MAPK8IP3: variants seen among roughly 807,000 people sequenced by gnomAD.
MAPK8IP3 encodes the protein mitogen-activated protein kinase 8 interacting protein 3.
In MAPK8IP3, 49 loss-of-function variants were observed where a neutral mutation model predicts 157.8. The observed-to-expected ratio is 0.31, with a 90% confidence interval of 0.25 to 0.39. The LOEUF is 0.39. Ranked by LOEUF, MAPK8IP3 falls within the 10% of genes least tolerant of loss-of-function variation. The pLI is 1.00. For missense variants in MAPK8IP3, 1,478 were observed against 1,889.4 expected (o/e 0.78, Z 4.04); for synonymous variants, 897 against 777.7 (o/e 1.15, Z -2.55).
rs1485299291 is a variant in MAPK8IP3, at chr16:1,724,621, A to G, written c.383A>G (p.His128Arg). 2 of 1,613,592 alleles carry G rather than the reference A, an allele frequency of 1.2e-6. No individual in the cohort carries two copies. The highest frequency in any genetic ancestry group is 2.2e-5 in the East Asian group (1 of 44,898). The change falls in exon 2 of 32, where the codon CAC (histidine) becomes CGC (arginine). Residue 128 changes from histidine (H) to arginine (R), a missense_variant. Physicochemically the swap from His to Arg is conservative, Grantham distance 29. Around this residue, in one of 11 missense-constraint regions of MAPK8IP3, gnomAD observed 65 missense variants for 161.8 expected, o/e 0.40. Coordinates refer to ENST00000610761, the MANE Select transcript of MAPK8IP3 (RefSeq NM_001318852.2). This position sits in a 1 kb window ranked among gnomAD's most constrained non-coding sequence, Gnocchi z 4.1. ...AAAGAGCTGCAAATCCAGGTGGAGC[A>G]CTACGAGTTCCAGACGCGCCAGCTG... The part of the protein sequence containing the change: ...EKKELQIQVE[H>R]YEFQTRQLEL...
At chr16:1,753,453 A>ATTTT (rs34580455) in intron 8 of MAPK8IP3, among the ~76,000 whole-genome samples, 2 of 150,248 alleles carry the variant, frequency 1.3e-5, no homozygotes, top group African/African-American at 4.9e-5. Flanking sequence ...TTATTTATTT[A>ATTTT]TTTTTGAGAC....
chr16:1,758,219 G>C, intron 9 of MAPK8IP3, 60 bp downstream of exon 9: 2 of 1,599,342 alleles, frequency 1.3e-6, no homozygotes, highest in African/African-American at 1.3e-5. Context: ...TGGGTGGACG[G>C]GGGATGCCCC....
intron 1 of MAPK8IP3, among the ~76,000 whole-genome samples, chr16:1,712,709 C>G (rs765971854): frequency 6.6e-6 from 1 of 152,192 alleles, no homozygotes; most frequent in South Asian, 2.1e-4. Context: ...GGTCTTCTGG[C>G]TGCCCCCCAT....
intron 4 of MAPK8IP3, among the ~76,000 whole-genome samples, chr16:1,737,887 C>T (rs1354263557): frequency 1.4e-5 from 1 of 72,302 alleles, no homozygotes; most frequent in African/African-American, 5.5e-5. Flanking sequence ...TCCGTGTGAG[C>T]ATCCGTGTGA....
chr16:1,765,133 T>C lies in MAPK8IP3; in HGVS notation c.2401T>C (p.Phe801Leu). The change falls in exon 20 of 32, where the codon TTC becomes CTC. Residue 801 changes from phenylalanine (F) to leucine (L), a missense_variant. By Grantham distance (22) the Phe-to-Leu change is conservative. Transcript: ENST00000610761. The stretch of plus-strand genomic sequence containing the variant: ...CCAGCCGGGCACGGTGGTGGACCAG[T>C]TCACCGTCTGCAACGCGCACGTGCT... ...ANQPGTVVDQ[F>L]TVCNAHVLCI... The C allele has an allele frequency of 6.2e-7, 1 of 1,611,498 alleles. No individual in the cohort carries two copies. Among genetic ancestry groups the C allele is most frequent in the Non-Finnish European group, 8.5e-7 (1 of 1,178,942 alleles).
At chr16:1,765,924 C>T in intron 20 of MAPK8IP3, 36 bp from the exon 21 acceptor site, 1 of 1,572,624 alleles carries the variant, frequency 6.4e-7, no homozygotes, top group Non-Finnish European at 8.7e-7. Flanking sequence ...GTAGTGGGTT[C>T]CCCCGCACAG....
In MAPK8IP3 at chr16:1,766,341, C is replaced by CG; in HGVS notation, c.2754dup (p.Pro919AlafsTer9). ...AGCCAGAGACAGCCACATTGCGGCC[C>CG]GGGCCTCTCACAGAGCACGTCTTCA... is the stretch of plus-strand genomic sequence containing the variant. On this transcript the variant is annotated frameshift_variant, in exon 22 of 32. Transcript: ENST00000610761. LOFTEE classifies it high-confidence loss of function. The CG allele has an allele frequency of 6.2e-7, 1 of 1,612,670 alleles. No individual in the cohort carries two copies. The highest frequency in any genetic ancestry group is 8.5e-7 in the Non-Finnish European group (1 of 1,179,974).
intron 28 of MAPK8IP3, 22 bp downstream of exon 28, chr16:1,767,940 A>AG (rs1400829329): frequency 4.4e-6 from 7 of 1,605,712 alleles, no homozygotes; most frequent in Non-Finnish European, 6.0e-6. Flanking sequence ...GCACACCTGC[A>AG]GGGGCAGTGG....
chr16:1,768,305 C>T lies in MAPK8IP3; in HGVS notation c.3669C>T (p.Tyr1223=), dbSNP rs750841307. 4.3e-6 allele frequency: 7 copies of T among 1,609,998 alleles called. No homozygotes were observed. Among genetic ancestry groups the T allele is most frequent in the African/African-American group, 1.3e-5 (1 of 74,950 alleles). Residue 1223 remains tyrosine (Y), a synonymous_variant, in exon 30 of 32, where the codon TAC becomes TAT. Transcript: ENST00000610761. ...SDRAASSFIP[Y]CSMAQAQLCF... is the part of the protein sequence containing the mutation. ...GGGCGGCCAGCAGCTTCATCCCCTA[C>T]TGCTCCATGGCCCAGGCCCAGCTAT...
intron 14 of MAPK8IP3, 84 bp downstream of exon 14, chr16:1,762,565 C>G: frequency 6.3e-7 from 1 of 1,579,522 alleles, no homozygotes; most frequent in Non-Finnish European, 8.6e-7. Context: ...ACCTCCCTGT[C>G]TTCTGGGGGG....
At chr16:1,739,969 AGC>A (rs2040542067) in intron 4 of MAPK8IP3, among the ~76,000 whole-genome samples, 1 of 68,254 alleles carries the variant, frequency 1.5e-5, no homozygotes, top group Non-Finnish European at 2.7e-5. Flanking sequence ...CGTCCGTGTG[AGC>A]GTGTGACCGT....
chr16:1,729,355 C>A, intron 3 of MAPK8IP3, 132 bp from the exon 4 acceptor site: 2 of 1,245,544 alleles, frequency 1.6e-6, no homozygotes, highest in Non-Finnish European at 2.3e-6. Flanking sequence ...CAGCCCCAGG[C>A]TGGTTAGATT....
Position 1,757,790 on chromosome 16 carries a change from G to C in MAPK8IP3, c.1217-358G>C, listed in dbSNP as rs111680590. Reference sequence around the variant, plus strand: ...GGGGGCTTTTGGAGACTGGGTACCTGCCACACCCTGCCACACACACTCTCC... The same window carrying C: ...GGGGGCTTTTGGAGACTGGGTACCTCCCACACCCTGCCACACACACTCTCC... On this transcript the variant is annotated intron_variant, in intron 8 of 31. Transcript: ENST00000610761. Among the ~76,000 whole-genome samples the C allele has an allele frequency of 2.0e-3, 308 of 152,276 alleles. 2 individuals are homozygous for C. The highest frequency in any genetic ancestry group is 6.9e-3 in the African/African-American group (285 of 41,570).
At chr16:1,746,826 G>C in intron 5 of MAPK8IP3, 2 of 617,168 alleles carry the variant, frequency 3.2e-6, no homozygotes, top group Non-Finnish European at 5.5e-6. Flanking sequence ...GCCGGAGTCA[G>C]TGGCCGGATA....
chr16:1,762,577 C>T lies in MAPK8IP3; in HGVS notation c.1670+96C>T, dbSNP rs767740769. ...TGCACCTCCCTGTCTTCTGGGGGGA[C>T]TGAAGTGCGCTGGGTGCTTCCTGGC... On this transcript the variant is annotated intron_variant, in intron 14 of 31. Transcript: ENST00000610761. 9.6e-5 allele frequency: 151 copies of T among 1,566,556 alleles called. No homozygotes were observed. The Middle Eastern group carries it at 1.2e-3, about 12-fold the overall frequency.
rs558556383 is a variant in MAPK8IP3 at position 1,724,691 on chromosome 16, G to A, written c.439+14G>A. ...ATGCCGATCAGAGTAAGTGGCTGGCGGGAGCCTGGAGGCGCGCTTGATGGG... is the reference window on the plus strand; with the variant it reads ...ATGCCGATCAGAGTAAGTGGCTGGCAGGAGCCTGGAGGCGCGCTTGATGGG... On this transcript the variant is annotated intron_variant, in intron 2 of 31. Coordinates refer to ENST00000610761, the MANE Select transcript of MAPK8IP3 (RefSeq NM_001318852.2). This position sits in a 1 kb window ranked among gnomAD's most constrained non-coding sequence, Gnocchi z 4.1. The A allele has an allele frequency of 1.1e-5, 18 of 1,607,472 alleles. No homozygotes were observed. Among genetic ancestry groups the A allele is most frequent in the African/African-American group, 5.3e-5 (4 of 74,968 alleles).
chr16:1,757,710 C>T (rs946745170), intron 8 of MAPK8IP3, among the ~76,000 whole-genome samples: 1 of 152,220 alleles, frequency 6.6e-6, no homozygotes, highest in African/African-American at 2.4e-5. Flanking sequence ...AGGAGTCCAG[C>T]TCCAGGCCTG....
chr16:1,731,468 C>T (rs930589763), intron 4 of MAPK8IP3, among the ~76,000 whole-genome samples: 2 of 152,244 alleles, frequency 1.3e-5, no homozygotes, highest in African/African-American at 2.4e-5. Flanking sequence ...CTCTTCACCT[C>T]CTACCCAGAT....
chr16:1,762,691 C>G lies in MAPK8IP3; in HGVS notation c.1687C>G (p.Pro563Ala). The G allele has an allele frequency of 6.4e-7, 1 of 1,562,412 alleles. No homozygotes were observed. Among genetic ancestry groups the G allele is most frequent in the Non-Finnish European group, 8.7e-7 (1 of 1,152,086 alleles). ...TEMIRASREH[P>A]SVQEKKKSTI... ...CCCCTGCAGAGCGTCCCGAGAGCAC[C>G]CATCCGTCCAGGAGAAGAAGAAGTC... is the stretch of plus-strand genomic sequence containing the variant. Residue 563 changes from proline to alanine, a missense_variant, in exon 15 of 32, where the codon CCA (proline) becomes GCA (alanine). By Grantham distance (27) the Pro-to-Ala change is conservative. This residue lies in a region of MAPK8IP3 where 669 missense variants were observed against 759.8 expected (regional missense o/e 0.88). Coordinates refer to ENST00000610761, the MANE Select transcript of MAPK8IP3 (RefSeq NM_001318852.2).
Sources: gnomAD v4.1 joint callset for allele counts (sites outside exome capture counted in the v4.1 genomes callset) on GRCh38, gnomAD v4.1.1 for gene constraint, gnomAD v4.1.1 regional missense constraint, Gnocchi (gnomAD v3.1) non-coding constraint, MANE v1.5 for transcripts, NCBI Gene and HGNC (gene_info 2026-07-23, HGNC 2026-07-21) for gene names.